Variants in EPHA5 observed in about 807,000 individuals in gnomAD.
The protein encoded by EPHA5 is EPH receptor A5.
EPHA5 carries 60 observed loss-of-function variants against 105.0 expected under a neutral mutation model. The ratio of observed to expected loss-of-function variants is 0.57; its 90% confidence interval spans 0.46 to 0.71. The LOEUF (loss-of-function observed/expected upper bound fraction) is 0.71, where lower values mean the gene tolerates loss of function less well. Among genes scored for constraint, EPHA5 ranks in the 30% least tolerant of loss-of-function variants. The pLI is 0.00. For synonymous variants in EPHA5, 513 were observed against 449.1 expected (o/e 1.14, Z -1.80); for missense variants, 1,218 against 1,274.7 (o/e 0.96, Z 0.68).
At chr4:65,534,602 A>G (rs1324495385) in intron 3 of EPHA5, among the ~76,000 whole-genome samples, 1 of 152,242 alleles carries the variant, frequency 6.6e-6, no homozygotes, top group East Asian at 1.9e-4. Context: ...CATCAAAAGT[A>G]GACATATCAA....
At chr4:65,585,369 A>G (rs1020144799) in intron 3 of EPHA5, among the ~76,000 whole-genome samples, 19 of 152,052 alleles carry the variant, frequency 1.2e-4, no homozygotes, top group African/African-American at 4.6e-4. Context: ...AACAAAAAAA[A>G]TCAGAAAACA....
At chr4:65,645,227 T>G (rs1308990391) in intron 1 of EPHA5, among the ~76,000 whole-genome samples, 2 of 152,098 alleles carry the variant, frequency 1.3e-5, no homozygotes, top group African/African-American at 2.4e-5. Context: ...ATTTTAGTTT[T>G]TCTGGGACAC....
chr4:65,620,111 T>TAC (rs1553954742), intron 2 of EPHA5, among the ~76,000 whole-genome samples: 1 of 146,066 alleles, frequency 6.8e-6, no homozygotes, highest in East Asian at 2.0e-4. Flanking sequence ...GACTCAGGTA[T>TAC]ATATATATAT....
At chr4:65,613,387 A>AT (rs908124200) in intron 2 of EPHA5, among the ~76,000 whole-genome samples, 8 of 151,954 alleles carry the variant, frequency 5.3e-5, no homozygotes, top group Admixed American at 2.0e-4. Flanking sequence ...AAACTATATA[A>AT]TTTTTTGTCT....
intron 7 of EPHA5, among the ~76,000 whole-genome samples, chr4:65,409,333 G>A (rs10029421): frequency 0.79 from 107,470 of 136,020 alleles, 42,977 homozygotes; most frequent in South Asian, 0.91. Flanking sequence ...TAAAACTTAA[G>A]GTATAATAAT....
chr4:65,477,622 C>T (rs1458888115), intron 5 of EPHA5, among the ~76,000 whole-genome samples: 1 of 151,894 alleles, frequency 6.6e-6, no homozygotes, highest in African/African-American at 2.4e-5. Flanking sequence ...CCATCTTTGC[C>T]AGGATGGTCT....
intron 8 of EPHA5, among the ~76,000 whole-genome samples, chr4:65,379,172 A>G (rs1295706719): frequency 6.6e-6 from 1 of 151,876 alleles, no homozygotes; most frequent in African/African-American, 2.4e-5. Context: ...GGTCAGTGAA[A>G]TAAATGTGTC....
chr4:65,320,217 T>C lies in EPHA5; in HGVS notation c.*3897A>G, dbSNP rs182146200. 7.0e-5 allele frequency: 16 copies of C among 229,890 alleles called. No individual in the cohort carries two copies. The Admixed American group carries it at 7.4e-4, about 11-fold the overall frequency. The allele number at this position is 229,890 out of a possible 1,614,324, so 14.2% of individuals were successfully genotyped here. On this transcript the variant is annotated 3_prime_UTR_variant, in exon 17 of 17. Transcript: ENST00000613740. ...CATTACTATATAATTAACAGCACAA[T>C]AGAGAAAATTATTCAATGTAAACAG...
At chr4:65,593,040 T>C (rs1279195409) in intron 3 of EPHA5, among the ~76,000 whole-genome samples, 3 of 152,180 alleles carry the variant, frequency 2.0e-5, no homozygotes, top group Admixed American at 1.3e-4. Context: ...CATTAGAACA[T>C]GGATGCACCT....
chr4:65,435,509 G>A (rs1336690002), intron 5 of EPHA5, among the ~76,000 whole-genome samples: 3 of 152,070 alleles, frequency 2.0e-5, no homozygotes, highest in African/African-American at 7.2e-5. Flanking sequence ...CAAGGGGAGA[G>A]CTAGGATATC....
intron 3 of EPHA5, among the ~76,000 whole-genome samples, chr4:65,529,514 AAAC>A (rs1279224764): frequency 3.3e-5 from 5 of 152,158 alleles, no homozygotes; most frequent in African/African-American, 1.2e-4. Flanking sequence ...AGAAAGAAAA[AAAC>A]AACAAAAAAA....
intron 3 of EPHA5, among the ~76,000 whole-genome samples, chr4:65,522,316 G>GTGTGTGTATATATATATATATATATATA (rs777066757): frequency 1.5e-4 from 22 of 142,870 alleles, no homozygotes; most frequent in African/African-American, 5.9e-4. Flanking sequence ...ATATATATAT[G>GTGTGTGTATATATATATATATATATATA]TATATATATA....
chr4:65,417,139 TAA>T (rs1723462098), intron 6 of EPHA5, among the ~76,000 whole-genome samples: 2 of 152,160 alleles, frequency 1.3e-5, no homozygotes, highest in African/African-American at 4.8e-5. Flanking sequence ...TGCCTTTAAT[TAA>T]GAGATGGCAA....
intron 16 of EPHA5, among the ~76,000 whole-genome samples, chr4:65,328,624 T>G (rs1720305853): frequency 7.0e-6 from 1 of 141,974 alleles, no homozygotes; most frequent in African/African-American, 2.5e-5. Context: ...TGTCAGAGTT[T>G]TATCATGCAG....
intron 5 of EPHA5, among the ~76,000 whole-genome samples, chr4:65,450,599 C>A (rs1560549293): frequency 6.6e-6 from 1 of 152,138 alleles, no homozygotes; most frequent in Non-Finnish European, 1.5e-5. Context: ...CTATAAATAT[C>A]TTTTCTCCAT....
At chr4:65,533,476 T>G (rs1736013525) in intron 3 of EPHA5, among the ~76,000 whole-genome samples, 1 of 152,140 alleles carries the variant, frequency 6.6e-6, no homozygotes, top group East Asian at 1.9e-4. Context: ...ACAACTCAGG[T>G]TTGTGTCATT....
At chr4:65,445,775 C>T (rs113262188) in intron 5 of EPHA5, among the ~76,000 whole-genome samples, 40 of 152,172 alleles carry the variant, frequency 2.6e-4, no homozygotes, top group East Asian at 3.9e-4. Flanking sequence ...AATAGCTATA[C>T]GTCAAACTAC....
At chr4:65,431,148 G>A (rs766019806) in intron 5 of EPHA5, among the ~76,000 whole-genome samples, 4 of 151,942 alleles carry the variant, frequency 2.6e-5, no homozygotes, top group Non-Finnish European at 5.9e-5. Context: ...AACGATTAAC[G>A]GTACACACAA....
intron 13 of EPHA5, among the ~76,000 whole-genome samples, chr4:65,351,038 T>C (rs1402752285): frequency 6.6e-6 from 1 of 151,710 alleles, no homozygotes; most frequent in Non-Finnish European, 1.5e-5. Flanking sequence ...ATACTATATA[T>C]ATATATATAT....
Sources: allele counts gnomAD v4.1 joint callset (sites outside exome capture counted in the v4.1 genomes callset), GRCh38; gene constraint gnomAD v4.1.1; transcripts MANE v1.5; gene names NCBI Gene and HGNC (gene_info 2026-07-23, HGNC 2026-07-21).